SHROOM3: variants seen among roughly 807,000 people sequenced by gnomAD.
SHROOM3 encodes shroom family member 3.
A neutral mutation model predicts 138.6 loss-of-function variants in SHROOM3; 47 were observed. The ratio of observed to expected loss-of-function variants is 0.34; its 90% CI spans 0.27 to 0.43. SHROOM3 has a LOEUF of 0.43. SHROOM3 is among the 20% of genes least tolerant of loss of function. The pLI is 1.00. For missense variants in SHROOM3, 2,491 were observed against 2,596.5 expected (o/e 0.96, Z 0.88); for synonymous variants, 1,062 against 1,063.3 (o/e 1.00, Z 0.02).
At chr4:76,537,374 A>G (rs1240268489) in intron 1 of SHROOM3, among the ~76,000 whole-genome samples, 1 of 152,176 alleles carries the variant, frequency 6.6e-6, no homozygotes, top group Admixed American at 6.5e-5. Flanking sequence ...GGCCAGTAAA[A>G]GTACTTGAGC....
chr4:76,547,763 C>G (rs1038726393), intron 1 of SHROOM3, among the ~76,000 whole-genome samples: 11 of 152,062 alleles, frequency 7.2e-5, no homozygotes, highest in Non-Finnish European at 1.3e-4. Flanking sequence ...AACCTTGTCT[C>G]TACTAAAGAT....
At chr4:76,775,415 G>A (rs1483696186) in intron 10 of SHROOM3, among the ~76,000 whole-genome samples, 2 of 151,778 alleles carry the variant, frequency 1.3e-5, no homozygotes, top group African/African-American at 4.8e-5. Flanking sequence ...GCATGGATGT[G>A]GTGAAAAGGG....
chr4:76,642,902 C>T (rs1296520869), intron 2 of SHROOM3, among the ~76,000 whole-genome samples: 1 of 151,966 alleles, frequency 6.6e-6, no homozygotes, highest in African/African-American at 2.4e-5. Flanking sequence ...AGAGTTTTCT[C>T]TCTAAATGAG....
intron 3 of SHROOM3, among the ~76,000 whole-genome samples, chr4:76,728,628 G>C (rs540111478): frequency 2.6e-5 from 4 of 152,350 alleles, no homozygotes; most frequent in Middle Eastern, 6.8e-3. Flanking sequence ...TTCTGCTGTT[G>C]ATGTCTTGAT....
intron 1 of SHROOM3, among the ~76,000 whole-genome samples, chr4:76,509,905 G>A (rs1579202657): frequency 1.3e-5 from 2 of 152,154 alleles, no homozygotes; most frequent in East Asian, 3.9e-4. Flanking sequence ...TCTCAGATAT[G>A]TATTGCTCTC....
Position 76,754,366 on chromosome 4 carries a change from C to G in SHROOM3, c.3883C>G (p.Leu1295Val), listed in dbSNP as rs542068891. The G allele has an allele frequency of 5.6e-6, 9 of 1,614,206 alleles. No individual in the cohort carries two copies. The East Asian group carries it at 1.8e-4, about 32-fold the overall frequency. The change falls in exon 7 of 11, where the codon CTC becomes GTC. Residue 1295 changes from leucine (L) to valine (V), a missense_variant. Around this residue, in one of 4 missense-constraint regions of SHROOM3, gnomAD observed 1,733 missense variants for 1,661.6 expected, o/e 1.04. Transcript: ENST00000296043. ...QEEMLPLFHH[L>V]TPRWGGSGCK... ...AGAGATGCTGCCGCTCTTCCACCAT[C>G]TCACCCCTCGTTGGGGTGGTTCAGG...
chr4:76,605,286 G>A (rs1032199216), intron 2 of SHROOM3, among the ~76,000 whole-genome samples: 2 of 152,146 alleles, frequency 1.3e-5, no homozygotes, highest in African/African-American at 4.8e-5. Flanking sequence ...CAACAGCTAG[G>A]ATTTGCCCGG....
At chr4:76,445,874 A>G (rs182479932) in intron 1 of SHROOM3, among the ~76,000 whole-genome samples, 2 of 152,300 alleles carry the variant, frequency 1.3e-5, no homozygotes, top group Admixed American at 1.3e-4. Context: ...CTACAACAGG[A>G]CAGGGCTTTC....
At chr4:76,626,134 G>A (rs1735136397) in intron 2 of SHROOM3, among the ~76,000 whole-genome samples, 1 of 152,162 alleles carries the variant, frequency 6.6e-6, no homozygotes, top group Non-Finnish European at 1.5e-5. Context: ...TGGTTGTGAA[G>A]AGGAAGCACG....
At chr4:76,447,053 C>T (rs1730821786) in intron 1 of SHROOM3, among the ~76,000 whole-genome samples, 1 of 152,152 alleles carries the variant, frequency 6.6e-6, no homozygotes, top group African/African-American at 2.4e-5. Flanking sequence ...ACAGTTGTTA[C>T]CCTCAAAGCC....
intron 2 of SHROOM3, among the ~76,000 whole-genome samples, chr4:76,657,594 C>T (rs1367026728): frequency 3.3e-5 from 5 of 152,178 alleles, no homozygotes; most frequent in Admixed American, 2.6e-4. Context: ...GCTCTGCTCT[C>T]CTAATGTTCC....
chr4:76,628,499 T>C (rs904322817), intron 2 of SHROOM3, among the ~76,000 whole-genome samples: 2 of 152,178 alleles, frequency 1.3e-5, no homozygotes, highest in Non-Finnish European at 2.9e-5. Flanking sequence ...AGGAAGTGAA[T>C]GCAGTGGGGC....
At chr4:76,572,474 C>T (rs1182603373) in intron 2 of SHROOM3, among the ~76,000 whole-genome samples, 2 of 152,178 alleles carry the variant, frequency 1.3e-5, no homozygotes, top group Non-Finnish European at 1.5e-5. Context: ...GGACTATTCC[C>T]AGTGCAGTCA....
intron 3 of SHROOM3, 90 bp from the exon 4 acceptor site, chr4:76,730,714 T>A: frequency 1.9e-6 from 3 of 1,572,752 alleles, no homozygotes; most frequent in South Asian, 1.1e-5. Context: ...GACACAGCAG[T>A]CTTCGCTTCC....
intron 1 of SHROOM3, among the ~76,000 whole-genome samples, chr4:76,513,658 T>C (rs1298165231): frequency 6.6e-6 from 1 of 152,168 alleles, no homozygotes; most frequent in African/African-American, 2.4e-5. Flanking sequence ...ACCGGTAGTA[T>C]GCTTTAAGCA....
At position 76,660,391 on chromosome 4, in the gene SHROOM3, T is replaced by C. The variant is rs1489606144; in HGVS notation, c.324-49765T>C. Reference sequence around the variant, plus strand: ...AGTTAACTCTTACCCTGTCTGTTTTTAAATAGCTACCCCTAGGAGAGAGTC... The same window carrying C: ...AGTTAACTCTTACCCTGTCTGTTTTCAAATAGCTACCCCTAGGAGAGAGTC... On this transcript the variant is annotated intron_variant, in intron 2 of 10. Transcript: ENST00000296043. 5.3e-5 allele frequency among the ~76,000 whole-genome samples: 8 copies of C among 152,322 alleles called. No individual in the cohort carries two copies. In the South Asian group the frequency reaches 1.7e-3, roughly 32 times the overall value.
chr4:76,699,735 G>C (rs1719851650), intron 2 of SHROOM3, among the ~76,000 whole-genome samples: 1 of 152,108 alleles, frequency 6.6e-6, no homozygotes, highest in South Asian at 2.1e-4. Flanking sequence ...CCTTTCCAAA[G>C]TGCTTTTCTG....
intron 1 of SHROOM3, among the ~76,000 whole-genome samples, chr4:76,436,866 G>T (rs905504982): frequency 1.3e-5 from 2 of 152,104 alleles, no homozygotes; most frequent in Non-Finnish European, 2.9e-5. Flanking sequence ...ATGTACTGGG[G>T]TTAATATTTC....
rs1285546994 is a variant in SHROOM3, at chr4:76,741,117, C to T, written c.2944C>T (p.Pro982Ser). ...GTCGGCCTCCGCCTCCCCGCACACG[C>T]CCCGGGAGCGGCACAGCGTGACCCC... is the stretch of plus-strand genomic sequence containing the variant. Reference protein sequence around the residue: ...EASASASPHTPRERHSVTPAE... With the variant: ...EASASASPHTSRERHSVTPAE... Residue 982 changes from proline to serine, a missense_variant, in exon 5 of 11, where the codon CCC becomes TCC. By Grantham distance (74) the Pro-to-Ser change is moderately conservative. Around this residue, in one of 4 missense-constraint regions of SHROOM3, gnomAD observed 1,733 missense variants for 1,661.6 expected, o/e 1.04. Coordinates refer to ENST00000296043, the MANE Select transcript of SHROOM3 (RefSeq NM_020859.4). The surrounding 1 kb of genome is among the most constrained non-coding windows in gnomAD (Gnocchi z 6.2). The T allele has an allele frequency of 8.4e-6, 13 of 1,551,468 alleles. No individual in the cohort carries two copies. Among genetic ancestry groups the T allele is most frequent in the Non-Finnish European group, 8.7e-6 (10 of 1,148,372 alleles).
Sources: gnomAD v4.1 joint callset for allele counts (sites outside exome capture counted in the v4.1 genomes callset) on GRCh38, gnomAD v4.1.1 for gene constraint, gnomAD v4.1.1 regional missense constraint, Gnocchi (gnomAD v3.1) non-coding constraint, MANE v1.5 for transcripts, NCBI Gene and HGNC (gene_info 2026-07-23, HGNC 2026-07-21) for gene names.